The following PPARGC1A variants were observed in gnomAD, a reference collection of about 807,000 sequenced individuals.
The protein encoded by PPARGC1A is peroxisome proliferator-activated receptor gamma coactivator 1-alpha.
Under a neutral mutation model 88.7 loss-of-function variants are expected in PPARGC1A, and 25 were observed. The observed-to-expected ratio is 0.28, with a 90% CI of 0.21 to 0.39. The LOEUF (loss-of-function observed/expected upper bound fraction) is 0.39. Among genes scored for constraint, PPARGC1A ranks in the 10% least tolerant of loss-of-function variants. The pLI is 1.00. For missense variants in PPARGC1A, 880 were observed against 968.7 expected, an observed-to-expected ratio of 0.91 and a Z score of 1.22; for synonymous variants, 363 against 355.6, an observed-to-expected ratio of 1.02 and a Z score of -0.24.
At chr4:24,081,408 C>CA in the PPARGC1A span, among the ~76,000 whole-genome samples, 33 of 151,926 alleles carry the variant, frequency 2.2e-4, no homozygotes, top group Non-Finnish European at 4.1e-4. Flanking sequence ...TCCAGCAATG[C>CA]AAAAAATAAA....
the PPARGC1A span, among the ~76,000 whole-genome samples, chr4:23,947,642 C>T: frequency 1.0e-3 from 156 of 152,026 alleles, 1 homozygote; most frequent in African/African-American, 3.6e-3. Context: ...TAAATCAAGA[C>T]GTGGCCCCTC....
the PPARGC1A span, among the ~76,000 whole-genome samples, chr4:23,931,914 C>A: frequency 2.0e-5 from 3 of 152,082 alleles, no homozygotes; most frequent in South Asian, 6.2e-4. Flanking sequence ...TCTCACCTTG[C>A]GGAGCCTCAG....
chr4:24,155,440 T>C, the PPARGC1A span, among the ~76,000 whole-genome samples: 1 of 151,688 alleles, frequency 6.6e-6, no homozygotes, highest in African/African-American at 2.4e-5. Context: ...CTGGGCAACA[T>C]GGCAAAGCCC....
At chr4:24,125,043 G>A in the PPARGC1A span, among the ~76,000 whole-genome samples, 1 of 151,990 alleles carries the variant, frequency 6.6e-6, no homozygotes, top group Admixed American at 6.6e-5. Flanking sequence ...CTCAGGGTTA[G>A]AAACTTAACG....
the PPARGC1A span, among the ~76,000 whole-genome samples, chr4:24,223,556 T>C: frequency 2.0e-5 from 3 of 152,182 alleles, no homozygotes; most frequent in Non-Finnish European, 4.4e-5. Context: ...GGCCCTTCTT[T>C]GGATAATTTT....
At chr4:23,910,926 A>G in the PPARGC1A span, among the ~76,000 whole-genome samples, 154 of 152,130 alleles carry the variant, frequency 1.0e-3, no homozygotes, top group African/African-American at 3.6e-3. Context: ...TGGTTCCAGA[A>G]TTCATGCCCT....
chr4:23,945,980 G>A, the PPARGC1A span, among the ~76,000 whole-genome samples: 1 of 152,110 alleles, frequency 6.6e-6, no homozygotes, highest in South Asian at 2.1e-4. Context: ...CAGAACAGCT[G>A]GAGGTGGACA....
chr4:24,389,749 G>C, the PPARGC1A span, among the ~76,000 whole-genome samples: 1 of 152,088 alleles, frequency 6.6e-6, no homozygotes, highest in South Asian at 2.1e-4. Context: ...TTTTCTGATT[G>C]TGCTACAACT....
At chr4:23,951,943 G>C in the PPARGC1A span, among the ~76,000 whole-genome samples, 1 of 152,092 alleles carries the variant, frequency 6.6e-6, no homozygotes, top group Non-Finnish European at 1.5e-5. Flanking sequence ...GAAAGTGTCT[G>C]TAGATTGAAT....
intron 2 of PPARGC1A, among the ~76,000 whole-genome samples, chr4:23,838,773 C>A (rs1012792198): frequency 6.6e-6 from 1 of 152,138 alleles, no homozygotes; most frequent in East Asian, 1.9e-4. Flanking sequence ...TGAAATACCA[C>A]GTGTGTAAAT....
At chr4:23,822,942 T>C (rs1168509150) in intron 7 of PPARGC1A, among the ~76,000 whole-genome samples, 1 of 152,032 alleles carries the variant, frequency 6.6e-6, no homozygotes, top group Non-Finnish European at 1.5e-5. Context: ...GGGCCTACCT[T>C]TGTTAGAAGG....
chr4:24,035,729 A>G, the PPARGC1A span, among the ~76,000 whole-genome samples: 3 of 152,052 alleles, frequency 2.0e-5, no homozygotes, highest in Admixed American at 6.6e-5. Flanking sequence ...GGAGTTATAG[A>G]TTTATTTTTA....
the PPARGC1A span, among the ~76,000 whole-genome samples, chr4:24,020,129 C>G: frequency 6.6e-6 from 1 of 152,146 alleles, no homozygotes; most frequent in African/African-American, 2.4e-5. Context: ...TTGGCTTCTT[C>G]CCTTTCAAAG....
the PPARGC1A span, among the ~76,000 whole-genome samples, chr4:24,301,611 C>CAAA: frequency 1.9e-3 from 151 of 79,412 alleles, 1 homozygote; most frequent in African/African-American, 5.1e-3. Context: ...CACCTATTGC[C>CAAA]AAAAAAAAAA....
intron 2 of PPARGC1A, among the ~76,000 whole-genome samples, chr4:23,871,618 G>T (rs182106207): frequency 1.2e-4 from 18 of 152,238 alleles, no homozygotes; most frequent in African/African-American, 3.6e-4. Flanking sequence ...TTCTGACATG[G>T]GAACATATCT....
At chr4:24,187,429 G>A in the PPARGC1A span, among the ~76,000 whole-genome samples, 1 of 152,218 alleles carries the variant, frequency 6.6e-6, no homozygotes, top group African/African-American at 2.4e-5. Context: ...ACCATGTTAA[G>A]CTACCTATAA....
At chr4:24,446,851 C>T in the PPARGC1A span, among the ~76,000 whole-genome samples, 2 of 152,118 alleles carry the variant, frequency 1.3e-5, no homozygotes, top group African/African-American at 2.4e-5. Flanking sequence ...CCACCCGCCT[C>T]GGCCTCCAAA....
At chr4:24,350,280 C>T in the PPARGC1A span, among the ~76,000 whole-genome samples, 2 of 152,208 alleles carry the variant, frequency 1.3e-5, no homozygotes, top group Non-Finnish European at 2.9e-5. Context: ...GCTGGGATTA[C>T]AGGCATGAGC....
At chr4:23,827,786 AGC>A (rs1191135515) in intron 5 of PPARGC1A, among the ~76,000 whole-genome samples, 2 of 152,086 alleles carry the variant, frequency 1.3e-5, no homozygotes, top group African/African-American at 4.8e-5. Context: ...AAAATCTGTG[AGC>A]ATAGCATGTG....
Sources: gnomAD v4.1 joint callset for allele counts (sites outside exome capture counted in the v4.1 genomes callset) on GRCh38, gnomAD v4.1.1 for gene constraint, MANE v1.5 for transcripts, NCBI Gene and HGNC (gene_info 2026-07-23, HGNC 2026-07-21) for gene names.